The following CCNH variants were observed in gnomAD, a reference collection of about 807,000 sequenced individuals.
CCNH encodes the protein cyclin H, also known as cyclin-H.
Under a neutral mutation model 41.9 loss-of-function variants are expected in CCNH, and 31 were observed. The ratio of observed to expected loss-of-function variants is 0.74; its 90% CI spans 0.56 to 1.00. The LOEUF is 1.00. Among genes scored for constraint, CCNH ranks in the 50% least tolerant of loss-of-function variants. CCNH has a pLI of 0.00. For missense variants in CCNH, 362 were observed against 388.4 expected (o/e 0.93, Z 0.57); for synonymous variants, 138 against 136.1 (o/e 1.01, Z -0.10).
At chr5:87,334,676 A>G (rs1017268479) in intron 9 of CCNH, among the ~76,000 whole-genome samples, 2 of 152,228 alleles carry the variant, frequency 1.3e-5, no homozygotes, top group African/African-American at 2.4e-5. Context: ...AGTGTACTGT[A>G]TTCTTCACTG....
chr5:87,337,996 A>C (rs781489230), intron 9 of CCNH: 3 of 1,610,494 alleles, frequency 1.9e-6, no homozygotes, highest in Non-Finnish European at 2.5e-6. Context: ...AGATATGTTC[A>C]TTGTTCATAA....
At chr5:87,411,094 T>G in intron 2 of CCNH, 130 bp downstream of exon 2, 1 of 872,998 alleles carries the variant, frequency 1.1e-6, no homozygotes, top group Non-Finnish European at 1.7e-6. Context: ...GAAAAATATA[T>G]AATGTGCCAA....
At chr5:87,391,259 C>G (rs1185981969), downstream of CCNH, 2 of 392,072 alleles carry the variant, frequency 5.1e-6, no homozygotes. Context: ...ACTATGAAAT[C>G]AACTGACAAG....
At chr5:87,377,513 T>C (rs1414521615), upstream of CCNH, among the ~76,000 whole-genome samples, 3 of 152,102 alleles carry the variant, frequency 2.0e-5, no homozygotes, top group African/African-American at 7.2e-5. Flanking sequence ...TATTTTATTT[T>C]TTTAGTAGAG....
At chr5:87,341,391 G>A in intron 9 of CCNH, 1 of 1,138,336 alleles carries the variant, frequency 8.8e-7, no homozygotes, top group East Asian at 3.1e-5. Context: ...GGAAAACTTT[G>A]GCCAAAAAAA....
chr5:87,364,722 T>C (rs1336697284), intron 9 of CCNH, among the ~76,000 whole-genome samples: 3 of 152,122 alleles, frequency 2.0e-5, no homozygotes. Context: ...TCAAACCAGT[T>C]CCCTACATGG....
At chr5:87,392,320 C>T (rs774197344), downstream of CCNH, 6 of 455,848 alleles carry the variant, frequency 1.3e-5, no homozygotes, top group Non-Finnish European at 2.6e-5. Context: ...TTCCAAGCTA[C>T]AAAAGGCAGT....
chr5:87,336,174 A>G (rs1757959927), intron 9 of CCNH, among the ~76,000 whole-genome samples: 1 of 152,206 alleles, frequency 6.6e-6, no homozygotes, highest in African/African-American at 2.4e-5. Context: ...CAAAATTATA[A>G]AACAGTGATA....
exon 1 of CCNH, chr5:87,376,434 G>C (rs1399896744): frequency 6.2e-7 from 1 of 1,614,000 alleles, no homozygotes; most frequent in South Asian, 1.1e-5. Context: ...GAAAGGGCAT[G>C]CCACAGATGA....
Position 87,351,180 on chromosome 5 carries a change from TA to T in CCNH, c.*91-32284del, listed in dbSNP as rs1228940643. On this transcript the variant is annotated intron_variant and NMD_transcript_variant, in intron 9 of 9. Transcript: ENST00000645953. Reference sequence around the variant, plus strand: ...TTTAATGTTCCTATATTCAGAGTTTTAAAAAAAAAAAGCAGAAGAGGCATTT... The same window carrying T: ...TTTAATGTTCCTATATTCAGAGTTTTAAAAAAAAAAGCAGAAGAGGCATTT... Among the ~76,000 whole-genome samples, 806 of 145,364 alleles carry T rather than the reference TA, an allele frequency of 5.5e-3. 4 individuals carry two copies. The highest frequency in any genetic ancestry group is 0.018 in the African/African-American group (708 of 40,126).
rs556351314 is a variant in CCNH, at chr5:87,404,723, TTTC to T, written c.689+118_689+120del. The stretch of plus-strand genomic sequence containing the variant: ...AAGATTTCCTCAAAAGGCAATTTCA[TTTC>T]TTCTTCTCACCAACCATCCCAGCCA... On this transcript the variant is annotated intron_variant, in intron 5 of 8. Transcript: ENST00000256897. 2.1e-4 allele frequency: 158 copies of T among 761,720 alleles called. 2 individuals are homozygous for T. In the South Asian group the frequency reaches 3.2e-3, roughly 15 times the overall value. The allele number at this position is 761,720 out of a possible 1,614,324, so 47.2% of individuals were successfully genotyped here.
Position 87,395,025 on chromosome 5 carries a change from T to C in CCNH, c.933+19A>G. The C allele has an allele frequency of 6.2e-7, 1 of 1,611,222 alleles. No individual in the cohort carries two copies. The highest frequency in any genetic ancestry group is 8.5e-7 in the Non-Finnish European group (1 of 1,177,636). On this transcript the variant is annotated intron_variant, in intron 8 of 8. Coordinates refer to ENST00000256897, the MANE Select transcript of CCNH (RefSeq NM_001239.4). ...TATAACAAAAATAACTTAGAGTTCA[T>C]CTTTGGAGTAAAACATACCTCCTCA...
intron 9 of CCNH, among the ~76,000 whole-genome samples, chr5:87,338,283 C>G (rs1211822865): frequency 1.3e-5 from 2 of 151,406 alleles, no homozygotes; most frequent in African/African-American, 4.9e-5. Flanking sequence ...TACATAGCTG[C>G]CAATATTCAG....
At chr5:87,379,719 T>C, upstream of CCNH, 1 of 1,610,722 alleles carries the variant, frequency 6.2e-7, no homozygotes, top group African/African-American at 1.3e-5. Flanking sequence ...TTATATTGAT[T>C]TATTCCTTCT....
intron 4 of CCNH, among the ~76,000 whole-genome samples, chr5:87,406,240 T>C (rs1763780143): frequency 6.6e-6 from 1 of 152,138 alleles, no homozygotes. Flanking sequence ...TCTTATACCT[T>C]GCTTCCAAAT....
intron 9 of CCNH, chr5:87,346,575 C>A: frequency 1.5e-6 from 1 of 677,046 alleles, no homozygotes; most frequent in Non-Finnish European, 2.5e-6. Flanking sequence ...TATTTTATCA[C>A]TTTGAATTAA....
intron 9 of CCNH, among the ~76,000 whole-genome samples, chr5:87,362,906 C>CT (rs879684008): frequency 2.1e-3 from 295 of 140,054 alleles, no homozygotes; most frequent in South Asian, 5.4e-3. Context: ...TTCTTTCTTT[C>CT]TTTTTTTTTT....
intron 9 of CCNH, among the ~76,000 whole-genome samples, chr5:87,358,000 T>C (rs2112443889): frequency 6.6e-6 from 1 of 152,298 alleles, no homozygotes; most frequent in East Asian, 1.9e-4. Context: ...TAGTAGAAGT[T>C]TGGGGAATAA....
intron 9 of CCNH, chr5:87,330,913 A>T: frequency 7.3e-7 from 1 of 1,365,570 alleles, no homozygotes; most frequent in Non-Finnish European, 9.5e-7. Flanking sequence ...ACTAAAATGG[A>T]ATAAAACATT....
Sources: allele counts gnomAD v4.1 joint callset (sites outside exome capture counted in the v4.1 genomes callset), GRCh38; gene constraint gnomAD v4.1.1; transcripts MANE v1.5; gene names NCBI Gene and HGNC (gene_info 2026-07-23, HGNC 2026-07-21).